Variants in RPH3A observed in about 807,000 individuals in gnomAD.
The protein encoded by RPH3A is rabphilin 3A, also known as rabphilin-3A.
RPH3A carries 48 observed loss-of-function variants against 102.2 expected under a neutral mutation model. The ratio of observed to expected loss-of-function variants is 0.47; its 90% CI spans 0.37 to 0.60. The LOEUF (loss-of-function observed/expected upper bound fraction) is 0.60, where lower values mean the gene tolerates loss of function less well. Among genes scored for constraint, RPH3A ranks in the 20% least tolerant of loss-of-function variants. The probability of loss-of-function intolerance (pLI) is 0.00; values close to 1 mark genes in which losing one functional copy is unlikely to be tolerated. For synonymous variants in RPH3A, 310 were observed against 324.3 expected, an observed-to-expected ratio of 0.96 and a Z score of 0.47; for missense variants, 781 against 910.1, an observed-to-expected ratio of 0.86 and a Z score of 1.83.
chr12:112,575,662 GT>G (rs2039353795), intron 1 of RPH3A, among the ~76,000 whole-genome samples: 1 of 152,076 alleles, frequency 6.6e-6, no homozygotes, highest in African/African-American at 2.4e-5. Flanking sequence ...TAGCCACGGG[GT>G]GTCGGATGTG....
intron 1 of RPH3A, among the ~76,000 whole-genome samples, chr12:112,696,015 A>C (rs2040349163): frequency 7.2e-5 from 11 of 152,162 alleles, no homozygotes; most frequent in Admixed American, 7.2e-4. Flanking sequence ...CTGAGTCCCC[A>C]AAATTCATGA....
chr12:112,673,833 C>G (rs1299410365), intron 1 of RPH3A, among the ~76,000 whole-genome samples: 1 of 152,074 alleles, frequency 6.6e-6, no homozygotes, highest in East Asian at 1.9e-4. Flanking sequence ...CCCCACACAG[C>G]CCCCCACTAC....
chr12:112,633,150 T>A (rs2039819456), intron 1 of RPH3A, among the ~76,000 whole-genome samples: 1 of 152,156 alleles, frequency 6.6e-6, no homozygotes, highest in Non-Finnish European at 1.5e-5. Context: ...ACTTGAGCTA[T>A]GATCATGCTG....
intron 18 of RPH3A, among the ~76,000 whole-genome samples, chr12:112,890,323 T>G (rs891931388): frequency 1.3e-5 from 2 of 152,238 alleles, no homozygotes; most frequent in African/African-American, 4.8e-5. Flanking sequence ...GGCCTTGTTG[T>G]CAGAAGCTTT....
chr12:112,881,352 G>A (rs539752648), intron 14 of RPH3A, among the ~76,000 whole-genome samples: 4 of 152,110 alleles, frequency 2.6e-5, no homozygotes, highest in African/African-American at 9.7e-5. Context: ...TCCTTCCCCC[G>A]ACCTTGCCTT....
intron 1 of RPH3A, among the ~76,000 whole-genome samples, chr12:112,738,601 G>C (rs1438974488): frequency 6.6e-6 from 1 of 152,062 alleles, no homozygotes; most frequent in Non-Finnish European, 1.5e-5. Context: ...GGTGTAGAAG[G>C]GGGCGGGAAG....
chr12:112,727,126 C>T (rs1752974173), intron 1 of RPH3A, among the ~76,000 whole-genome samples: 1 of 152,016 alleles, frequency 6.6e-6, no homozygotes, highest in African/African-American at 2.4e-5. Flanking sequence ...TCAGCGTTCA[C>T]CTATTATCTT....
chr12:112,679,295 A>G (rs1367931913), intron 1 of RPH3A, among the ~76,000 whole-genome samples: 1 of 152,012 alleles, frequency 6.6e-6, no homozygotes, highest in Non-Finnish European at 1.5e-5. Flanking sequence ...CTGAGACTAC[A>G]GGCGCATGCC....
At chr12:112,642,333 T>C (rs1368876461) in intron 1 of RPH3A, among the ~76,000 whole-genome samples, 2 of 152,152 alleles carry the variant, frequency 1.3e-5, no homozygotes, top group African/African-American at 4.8e-5. Flanking sequence ...ATTTAAATTG[T>C]GCAAAGTCAT....
chr12:112,828,370 G>T lies in RPH3A; in HGVS notation c.52G>T (p.Asp18Tyr). 6.2e-7 allele frequency: 1 copy of T among 1,605,096 alleles called. No homozygotes were observed. Residue 18 changes from aspartate (D) to tyrosine (Y), a missense_variant, in exon 3 of 22, where the codon GAC becomes TAC. Around this residue, in one of 2 missense-constraint regions of RPH3A, gnomAD observed 730 missense variants for 810.0 expected, o/e 0.90. Transcript: ENST00000389385. The part of the protein sequence containing the change: ...NSSNRWMYPS[D>Y]RPLQSNDKEQ... The stretch of plus-strand genomic sequence containing the variant: ...TTCTAACCGTTGGATGTACCCCAGT[G>T]ACCGGCCCCTTCAATCAAAGTAAGT...
chr12:112,700,611 C>A (rs1187918482), intron 1 of RPH3A, among the ~76,000 whole-genome samples: 1 of 152,180 alleles, frequency 6.6e-6, no homozygotes, highest in Non-Finnish European at 1.5e-5. Context: ...CTGCTAATTG[C>A]CAAGTTTGTT....
chr12:112,806,025 G>A (rs2041454831), intron 2 of RPH3A, among the ~76,000 whole-genome samples: 1 of 152,130 alleles, frequency 6.6e-6, no homozygotes, highest in Non-Finnish European at 1.5e-5. Context: ...TAATTGTATT[G>A]TACTCACATA....
At position 112,866,829 on chromosome 12, in the gene RPH3A, G is replaced by T; in HGVS notation, c.433G>T (p.Glu145Ter). The change falls in exon 7 of 22, where the codon GAG becomes TAG. Residue 145 changes from glutamate to a stop codon, truncating the protein, a stop_gained. Transcript: ENST00000389385. LOFTEE classifies it high-confidence loss of function. The part of the protein sequence containing the change: ...HSVWLCKICI[E>*]QREVWKRSGA... ...TGTGTGGCTCTGCAAAATCTGCATT[G>T]AGCAGAGGGAGGTGAGTGCCCTGGT... The T allele has an allele frequency of 6.2e-7, 1 of 1,608,800 alleles. No individual in the cohort carries two copies. Among genetic ancestry groups the T allele is most frequent in the South Asian group, 1.1e-5 (1 of 90,044 alleles).
In RPH3A at chr12:112,870,013, C is replaced by G. The variant is rs780740367; in HGVS notation, c.770C>G (p.Ala257Gly). ...DSESWDHSGG[A>G]GDSSRSPAGL... The stretch of plus-strand genomic sequence containing the variant: ...GAGAGCTGGGACCACAGTGGGGGTG[C>G]TGGAGACTCCAGCCGGAGCCCAGCA... The change falls in exon 10 of 22, where the codon GCT becomes GGT. Residue 257 changes from alanine to glycine, a missense_variant. Ala to Gly is a moderately conservative substitution (Grantham distance 60). Coordinates refer to ENST00000389385, the MANE Select transcript of RPH3A (RefSeq NM_001143854.2). 3 of 1,613,980 alleles carry G rather than the reference C, an allele frequency of 1.9e-6. No homozygotes were observed. Among genetic ancestry groups the G allele is most frequent in the Non-Finnish European group, 2.5e-6 (3 of 1,179,968 alleles).
At chr12:112,720,735 G>A (rs1275281348) in intron 1 of RPH3A, among the ~76,000 whole-genome samples, 1 of 152,204 alleles carries the variant, frequency 6.6e-6, no homozygotes, top group Admixed American at 6.5e-5. Context: ...AACTGTGCAA[G>A]CATATTCCAA....
At chr12:112,721,256 A>T (rs1267393648) in intron 1 of RPH3A, among the ~76,000 whole-genome samples, 1 of 152,206 alleles carries the variant, frequency 6.6e-6, no homozygotes, top group Non-Finnish European at 1.5e-5. Context: ...GCCGCCATGA[A>T]AATTACTCCT....
chr12:112,865,424 G>T lies in RPH3A; in HGVS notation c.241G>T (p.Asp81Tyr). 1 of 1,613,920 alleles carries T rather than the reference G, an allele frequency of 6.2e-7. No individual in the cohort carries two copies. Among genetic ancestry groups the T allele is most frequent in the South Asian group, 1.1e-5 (1 of 91,018 alleles). The change falls in exon 6 of 22, where the codon GAC becomes TAC. Residue 81 changes from aspartate to tyrosine, a missense_variant. By Grantham distance (160) the Asp-to-Tyr change is radical. This residue lies in a region of RPH3A where 730 missense variants were observed against 810.0 expected (regional missense o/e 0.90). Coordinates refer to ENST00000389385, the MANE Select transcript of RPH3A (RefSeq NM_001143854.2). Reference protein sequence around the residue: ...MEQERIGRLVDRLENMRKNVA... With the variant: ...MEQERIGRLVYRLENMRKNVA... ...TGTCTCTGCTTCCAGACGCCTGGTG[G>T]ACCGCCTAGAAAACATGAGGAAGAA...
At chr12:112,675,064 A>G (rs183408107) in intron 1 of RPH3A, among the ~76,000 whole-genome samples, 19 of 152,324 alleles carry the variant, frequency 1.2e-4, no homozygotes, top group African/African-American at 4.6e-4. Flanking sequence ...GAAGCATTTT[A>G]ACCAAATCCC....
At chr12:112,677,430 CTT>C (rs2136013628) in intron 1 of RPH3A, among the ~76,000 whole-genome samples, 1 of 105,708 alleles carries the variant, frequency 9.5e-6, no homozygotes, top group Admixed American at 9.9e-5. Flanking sequence ...TCCTTCCTTC[CTT>C]CCTTCCTTCC....
Sources: allele counts gnomAD v4.1 joint callset (sites outside exome capture counted in the v4.1 genomes callset), GRCh38; gene constraint gnomAD v4.1.1; regional missense constraint gnomAD v4.1.1; transcripts MANE v1.5; gene names NCBI Gene and HGNC (gene_info 2026-07-23, HGNC 2026-07-21).